LPAR1: variants seen among roughly 807,000 people sequenced by gnomAD.
LPAR1 encodes the protein LPA receptor 1.
In LPAR1, 5 loss-of-function variants were observed where a neutral mutation model predicts 23.8. The observed-to-expected ratio is 0.21, with a 90% confidence interval of 0.11 to 0.44. LPAR1 has a LOEUF of 0.44. Among genes scored for constraint, LPAR1 ranks in the 20% least tolerant of loss-of-function variants. The pLI, the probability that LPAR1 is intolerant of heterozygous loss-of-function variation, is 0.99. For missense variants in LPAR1, 311 were observed against 482.8 expected (o/e 0.64, Z 3.33); for synonymous variants, 160 against 164.7 (o/e 0.97, Z 0.22).
At chr9:111,019,092 A>G (rs947396455) in intron 2 of LPAR1, among the ~76,000 whole-genome samples, 6 of 152,210 alleles carry the variant, frequency 3.9e-5, no homozygotes, top group African/African-American at 1.4e-4. Flanking sequence ...TAACAAATAC[A>G]TTCATTAGGG....
chr9:110,931,610 G>A (rs1179740948), intron 5 of LPAR1, among the ~76,000 whole-genome samples: 1 of 152,182 alleles, frequency 6.6e-6, no homozygotes, highest in Non-Finnish European at 1.5e-5. Flanking sequence ...CCTATGTCCT[G>A]AATGGTATTG....
intron 2 of LPAR1, among the ~76,000 whole-genome samples, chr9:110,994,633 G>A (rs149607554): frequency 7.9e-5 from 12 of 152,280 alleles, no homozygotes; most frequent in African/African-American, 2.9e-4. Context: ...CTATAAGTTT[G>A]AGGGAGGCAG....
chr9:111,017,362 G>A (rs35288800), intron 2 of LPAR1, among the ~76,000 whole-genome samples: 1 of 152,030 alleles, frequency 6.6e-6, no homozygotes, highest in African/African-American at 2.4e-5. Flanking sequence ...TCGAGTCTGA[G>A]TTTTTTGAAG....
At chr9:110,922,822 T>G (rs1423650779) in intron 5 of LPAR1, among the ~76,000 whole-genome samples, 1 of 71,718 alleles carries the variant, frequency 1.4e-5, no homozygotes, top group African/African-American at 5.3e-5. Flanking sequence ...GGTCTTATTA[T>G]TATATTATTA....
intron 5 of LPAR1, among the ~76,000 whole-genome samples, chr9:110,919,343 T>C (rs1252060402): frequency 2.0e-5 from 3 of 151,938 alleles, no homozygotes; most frequent in African/African-American, 7.2e-5. Flanking sequence ...CCTAAGGAAC[T>C]TGAAGCAGAT....
Position 110,979,557 on chromosome 9 carries a change from A to G in LPAR1, c.-181-5999T>C, listed in dbSNP as rs2096626248. Among the ~76,000 whole-genome samples the G allele has an allele frequency of 2.0e-5, 3 of 152,242 alleles. No homozygotes were observed. In the South Asian group the frequency reaches 6.2e-4, roughly 32 times the overall value. ...CACATTAAACACAGCATCTGTCATCATGAGTTGTGTTTTTTTAACTGTAAG... is the reference window on the plus strand; with the variant it reads ...CACATTAAACACAGCATCTGTCATCGTGAGTTGTGTTTTTTTAACTGTAAG... On this transcript the variant is annotated intron_variant, in intron 2 of 5. Transcript: ENST00000683809.
chr9:110,977,902 AGG>A (rs2096593690), intron 2 of LPAR1, among the ~76,000 whole-genome samples: 2 of 138,830 alleles, frequency 1.4e-5, no homozygotes, highest in Non-Finnish European at 3.3e-5. Context: ...GAAGGAAGGA[AGG>A]AAGGAAAGAA....
At chr9:110,968,889 G>A (rs2096311598) in intron 4 of LPAR1, among the ~76,000 whole-genome samples, 1 of 152,070 alleles carries the variant, frequency 6.6e-6, no homozygotes, top group African/African-American at 2.4e-5. Flanking sequence ...ACCCTATCAG[G>A]TTGGCTTCAT....
At chr9:110,922,590 C>T (rs1037777758) in intron 5 of LPAR1, among the ~76,000 whole-genome samples, 21 of 151,958 alleles carry the variant, frequency 1.4e-4, no homozygotes, top group Admixed American at 4.6e-4. Context: ...GACCTATATA[C>T]GTATTAAGTT....
intron 5 of LPAR1, among the ~76,000 whole-genome samples, chr9:110,894,795 C>T (rs907614876): frequency 3.9e-5 from 6 of 151,944 alleles, no homozygotes; most frequent in African/African-American, 1.2e-4. Context: ...GCAGGAGGAT[C>T]GCTTGAGCCC....
chr9:110,920,996 C>T (rs1477309786), intron 5 of LPAR1, among the ~76,000 whole-genome samples: 2 of 151,726 alleles, frequency 1.3e-5, no homozygotes, highest in African/African-American at 2.4e-5. Context: ...ATTAGCCAGA[C>T]GTTACGGCGC....
intron 2 of LPAR1, chr9:110,999,496 T>C: frequency 4.4e-6 from 2 of 454,442 alleles, no homozygotes; most frequent in South Asian, 3.1e-5. Context: ...CCACTTGTCT[T>C]AGTCAGTTCA....
intron 2 of LPAR1, among the ~76,000 whole-genome samples, chr9:110,989,842 C>T (rs951495892): frequency 6.6e-6 from 1 of 151,934 alleles, no homozygotes; most frequent in Admixed American, 6.6e-5. Context: ...ACTATATGCT[C>T]CCTACATGAA....
chr9:110,982,206 C>T (rs1214618296), intron 2 of LPAR1, among the ~76,000 whole-genome samples: 1 of 152,084 alleles, frequency 6.6e-6, no homozygotes, highest in Non-Finnish European at 1.5e-5. Flanking sequence ...TTCACAATAG[C>T]AAAGACTTGG....
At chr9:110,990,201 A>T (rs2096869143) in intron 2 of LPAR1, among the ~76,000 whole-genome samples, 1 of 152,148 alleles carries the variant, frequency 6.6e-6, no homozygotes, top group Admixed American at 6.5e-5. Flanking sequence ...GAACAGAAAA[A>T]ATCAGTAAGG....
intron 2 of LPAR1, among the ~76,000 whole-genome samples, chr9:110,998,183 A>G (rs73541436): frequency 0.043 from 6,494 of 152,308 alleles, 458 homozygotes; most frequent in African/African-American, 0.14. Context: ...GTGGCCTCAC[A>G]TGGCCTTTAA....
At chr9:110,878,599 T>C (rs753442030) in intron 5 of LPAR1, among the ~76,000 whole-genome samples, 46 of 152,234 alleles carry the variant, frequency 3.0e-4, no homozygotes, top group Middle Eastern at 3.4e-3. Flanking sequence ...GAAAGGTTGA[T>C]AAGAGTTAAA....
At chr9:111,015,665 T>A (rs768471922) in intron 2 of LPAR1, among the ~76,000 whole-genome samples, 22 of 152,094 alleles carry the variant, frequency 1.4e-4, no homozygotes, top group Non-Finnish European at 2.6e-4. Context: ...CTAGAGTCAA[T>A]AATAATGCAT....
At chr9:110,990,882 G>A (rs1030165929) in intron 2 of LPAR1, among the ~76,000 whole-genome samples, 2 of 152,052 alleles carry the variant, frequency 1.3e-5, no homozygotes, top group Admixed American at 1.3e-4. Flanking sequence ...AATTGAAAGA[G>A]GGGTCATTAC....
Sources: gnomAD v4.1 joint callset for allele counts (sites outside exome capture counted in the v4.1 genomes callset) on GRCh38, gnomAD v4.1.1 for gene constraint, MANE v1.5 for transcripts, NCBI Gene and HGNC (gene_info 2026-07-23, HGNC 2026-07-21) for gene names.